Variants in LRMDA observed in about 807,000 individuals in gnomAD.
LRMDA encodes leucine rich melanocyte differentiation associated.
LRMDA carries 18 observed loss-of-function variants against 29.8 expected under a neutral mutation model. That is an observed-to-expected ratio of 0.60 (90% CI 0.42 to 0.90). The LOEUF is 0.90. Among genes scored for constraint, LRMDA ranks in the 40% least tolerant of loss-of-function variants. The pLI, the probability that LRMDA is intolerant of heterozygous loss-of-function variation, is 0.00. For synonymous variants in LRMDA, 125 were observed against 109.4 expected, an observed-to-expected ratio of 1.14 and a Z score of -0.89; for missense variants, 273 against 273.9, an observed-to-expected ratio of 1.00 and a Z score of 0.02.
chr10:75,518,680 GT>G (rs1324638748), intron 2 of LRMDA, among the ~76,000 whole-genome samples: 2 of 152,060 alleles, frequency 1.3e-5, no homozygotes, highest in African/African-American at 2.4e-5. Flanking sequence ...TTTTTGTAGA[GT>G]TTTTTGTGTC....
chr10:76,274,053 C>A (rs912657401), intron 5 of LRMDA, among the ~76,000 whole-genome samples: 4 of 152,086 alleles, frequency 2.6e-5, no homozygotes, highest in Admixed American at 6.6e-5. Context: ...TATTTGTCAT[C>A]ATCACTTAGT....
chr10:76,264,859 C>G (rs1839987586), intron 5 of LRMDA, among the ~76,000 whole-genome samples: 1 of 152,160 alleles, frequency 6.6e-6, no homozygotes, highest in South Asian at 2.1e-4. Context: ...ATGTGCAGTT[C>G]AGTAAATTAA....
chr10:76,192,230 G>A (rs1460478273), intron 5 of LRMDA, among the ~76,000 whole-genome samples: 2 of 152,066 alleles, frequency 1.3e-5, no homozygotes, highest in Non-Finnish European at 2.9e-5. Flanking sequence ...CAGATTCCTG[G>A]GAACCACCTC....
intron 5 of LRMDA, among the ~76,000 whole-genome samples, chr10:76,222,313 A>G (rs1001108739): frequency 4.6e-5 from 7 of 152,342 alleles, no homozygotes; most frequent in South Asian, 2.1e-4. Context: ...AAAAGAAACT[A>G]CCATCAGAGT....
chr10:75,652,769 G>A (rs2132127926), intron 2 of LRMDA, among the ~76,000 whole-genome samples: 1 of 152,264 alleles, frequency 6.6e-6, no homozygotes, highest in African/African-American at 2.4e-5. Flanking sequence ...AGCATTCTGT[G>A]AAAATAGGGT....
At position 75,690,738 on chromosome 10, in the gene LRMDA, G is replaced by A. The variant is rs143283925; in HGVS notation, c.131+252244G>A. ...TTTGGGAAACTGAGGAGGGAGGATC[G>A]CTTAGGGTCAAGAGCTCAAGACCAG... On this transcript the variant is annotated intron_variant, in intron 2 of 6. Transcript: ENST00000611255. Among the ~76,000 whole-genome samples the A allele has an allele frequency of 5.2e-4, 79 of 151,866 alleles. 1 individual carries two copies. The East Asian group carries it at 0.012, about 22-fold the overall frequency.
At chr10:76,327,142 A>G (rs1840845058) in intron 6 of LRMDA, among the ~76,000 whole-genome samples, 1 of 142,830 alleles carries the variant, frequency 7.0e-6, no homozygotes, top group Non-Finnish European at 1.5e-5. Context: ...CCCAGGCTGG[A>G]GTGCAATGGC....
At chr10:75,434,477 C>G (rs548640418) in intron 1 of LRMDA, among the ~76,000 whole-genome samples, 114 of 152,262 alleles carry the variant, frequency 7.5e-4, no homozygotes, top group African/African-American at 2.6e-3. Flanking sequence ...GAAACAGACT[C>G]GAAGATGGTG....
chr10:75,503,291 G>A (rs746514625), intron 2 of LRMDA, among the ~76,000 whole-genome samples: 2 of 151,938 alleles, frequency 1.3e-5, no homozygotes, highest in African/African-American at 2.4e-5. Flanking sequence ...AAATTTCATT[G>A]GCTTCTTCTA....
At chr10:76,243,292 G>A (rs1852311820) in intron 5 of LRMDA, among the ~76,000 whole-genome samples, 1 of 152,230 alleles carries the variant, frequency 6.6e-6, no homozygotes, top group East Asian at 1.9e-4. Context: ...AATTATAATA[G>A]AGTTCCCTGT....
intron 2 of LRMDA, among the ~76,000 whole-genome samples, chr10:75,904,195 T>A (rs1260780555): frequency 6.6e-6 from 1 of 152,196 alleles, no homozygotes; most frequent in African/African-American, 2.4e-5. Context: ...CTGTGTATAT[T>A]TACCAATCTT....
intron 5 of LRMDA, among the ~76,000 whole-genome samples, chr10:76,306,603 T>A (rs1399644278): frequency 6.6e-6 from 1 of 152,188 alleles, no homozygotes; most frequent in Non-Finnish European, 1.5e-5. Flanking sequence ...AAGGCAAACA[T>A]CCTTGGCATC....
At chr10:75,846,382 C>T (rs1279127678) in intron 2 of LRMDA, among the ~76,000 whole-genome samples, 1 of 152,094 alleles carries the variant, frequency 6.6e-6, no homozygotes, top group East Asian at 1.9e-4. Flanking sequence ...TGAGAAAAGT[C>T]ATAGGCTTAA....
chr10:76,439,883 C>A (rs1040498701), intron 6 of LRMDA, among the ~76,000 whole-genome samples: 1 of 152,214 alleles, frequency 6.6e-6, no homozygotes, highest in African/African-American at 2.4e-5. Flanking sequence ...TGAACCAATG[C>A]TGATCAGGAA....
intron 5 of LRMDA, among the ~76,000 whole-genome samples, chr10:76,097,450 A>G (rs1443490851): frequency 6.6e-6 from 1 of 152,246 alleles, no homozygotes; most frequent in Non-Finnish European, 1.5e-5. Flanking sequence ...ATTCCACAGT[A>G]CTATGTAAAA....
At chr10:75,705,791 C>T (rs184798174) in intron 2 of LRMDA, among the ~76,000 whole-genome samples, 6 of 152,334 alleles carry the variant, frequency 3.9e-5, no homozygotes, top group Admixed American at 3.3e-4. Flanking sequence ...AGCCAAGAAG[C>T]AGTGGGAGCC....
chr10:75,768,539 G>A (rs145590500), intron 2 of LRMDA, among the ~76,000 whole-genome samples: 2 of 152,300 alleles, frequency 1.3e-5, no homozygotes, highest in African/African-American at 4.8e-5. Flanking sequence ...ATGGTGTTAT[G>A]TTTCATTTCA....
At chr10:76,141,870 C>T (rs1018910227) in intron 5 of LRMDA, among the ~76,000 whole-genome samples, 1 of 152,058 alleles carries the variant, frequency 6.6e-6, no homozygotes, top group African/African-American at 2.4e-5. Context: ...TAGTTATTTT[C>T]TGTCTCGTTT....
intron 2 of LRMDA, among the ~76,000 whole-genome samples, chr10:75,958,851 A>T (rs751770106): frequency 6.6e-6 from 1 of 152,214 alleles, no homozygotes; most frequent in African/African-American, 2.4e-5. Flanking sequence ...AGAAGGTGGA[A>T]GGCTGAAGGT....
Sources: gnomAD v4.1 joint callset for allele counts (sites outside exome capture counted in the v4.1 genomes callset) on GRCh38, gnomAD v4.1.1 for gene constraint, MANE v1.5 for transcripts, NCBI Gene and HGNC (gene_info 2026-07-23, HGNC 2026-07-21) for gene names.